The following RAD51B variants were observed in gnomAD, a reference collection of about 807,000 sequenced individuals.
RAD51B encodes RAD51 paralog B, also known as DNA repair protein RAD51 homolog 2.
A neutral mutation model predicts 42.2 loss-of-function variants in RAD51B; 38 were observed. The ratio of observed to expected loss-of-function variants is 0.90; its 90% CI spans 0.70 to 1.18. The LOEUF (loss-of-function observed/expected upper bound fraction) is 1.18, where lower values mean the gene tolerates loss of function less well. RAD51B is among the 50% of genes most tolerant of loss of function. The probability of loss-of-function intolerance (pLI) is 0.00; values close to 1 mark genes in which losing one functional copy is unlikely to be tolerated. For synonymous variants in RAD51B, 154 were observed against 145.2 expected (o/e 1.06, Z -0.43); for missense variants, 373 against 400.7 (o/e 0.93, Z 0.59).
chr14:68,319,148 T>C (rs2082114252), intron 8 of RAD51B, among the ~76,000 whole-genome samples: 1 of 152,146 alleles, frequency 6.6e-6, no homozygotes, highest in African/African-American at 2.4e-5. Context: ...GGAGGAGTTT[T>C]TGTTGTTGTT....
intron 7 of RAD51B, among the ~76,000 whole-genome samples, chr14:68,226,568 A>G (rs2080043286): frequency 6.6e-6 from 1 of 152,204 alleles, no homozygotes; most frequent in Non-Finnish European, 1.5e-5. Flanking sequence ...GAGTTCCCCT[A>G]CATAAGCTCT....
At chr14:67,840,622 A>T (rs1156893992) in intron 4 of RAD51B, among the ~76,000 whole-genome samples, 1 of 152,062 alleles carries the variant, frequency 6.6e-6, no homozygotes, top group Non-Finnish European at 1.5e-5. Flanking sequence ...TGGTAGAGTG[A>T]TTTATTTTCC....
At chr14:67,855,664 C>A (rs1159216919) in intron 4 of RAD51B, among the ~76,000 whole-genome samples, 1 of 152,174 alleles carries the variant, frequency 6.6e-6, no homozygotes, top group Non-Finnish European at 1.5e-5. Context: ...GTACATGAAA[C>A]AGTTAAGTGT....
chr14:68,078,808 A>T lies in RAD51B; in HGVS notation c.756+191604A>T, dbSNP rs575828396. ...GGTTCCAGACCAGCCTGCGCAAAAGAGGGAGCCCCTGTCTCTACAAAAAAA... is the reference window on the plus strand; with the variant it reads ...GGTTCCAGACCAGCCTGCGCAAAAGTGGGAGCCCCTGTCTCTACAAAAAAA... On this transcript the variant is annotated intron_variant, in intron 7 of 10. Transcript: ENST00000471583. Among the ~76,000 whole-genome samples, 4 of 152,216 alleles carry T rather than the reference A, an allele frequency of 2.6e-5. No individual in the cohort carries two copies. The East Asian group carries it at 7.7e-4, about 29-fold the overall frequency.
chr14:67,863,822 A>G (rs1386688474), intron 4 of RAD51B, among the ~76,000 whole-genome samples: 1 of 152,212 alleles, frequency 6.6e-6, no homozygotes, highest in Non-Finnish European at 1.5e-5. Flanking sequence ...TCACATTGCT[A>G]TAAAGAACTA....
intron 7 of RAD51B, among the ~76,000 whole-genome samples, chr14:67,898,198 A>G (rs2043487484): frequency 6.6e-6 from 1 of 152,194 alleles, no homozygotes; most frequent in Non-Finnish European, 1.5e-5. Flanking sequence ...GATGAATGGA[A>G]AAAGAAAATG....
At chr14:68,298,377 G>A (rs1242506836) in intron 8 of RAD51B, among the ~76,000 whole-genome samples, 1 of 152,178 alleles carries the variant, frequency 6.6e-6, no homozygotes, top group East Asian at 1.9e-4. Flanking sequence ...GTGCTTCTTG[G>A]TCAGGAGCTC....
At chr14:67,959,609 C>T (rs932999344) in intron 7 of RAD51B, among the ~76,000 whole-genome samples, 4 of 152,086 alleles carry the variant, frequency 2.6e-5, no homozygotes, top group African/African-American at 9.7e-5. Context: ...TATAAATATG[C>T]TGATCTAAAA....
intron 10 of RAD51B, among the ~76,000 whole-genome samples, chr14:68,506,368 C>T (rs739873): frequency 0.44 from 67,116 of 152,070 alleles, 17,216 homozygotes; most frequent in East Asian, 0.84. Context: ...AGCCACCTCC[C>T]CAACACTCAG....
intron 7 of RAD51B, among the ~76,000 whole-genome samples, chr14:68,112,992 A>G (rs1396922052): frequency 6.6e-6 from 1 of 152,152 alleles, no homozygotes; most frequent in Non-Finnish European, 1.5e-5. Flanking sequence ...CTGAACTTGT[A>G]AGATTTTGAC....
chr14:68,579,354 A>G (rs917988020), intron 10 of RAD51B, among the ~76,000 whole-genome samples: 1 of 152,138 alleles, frequency 6.6e-6, no homozygotes, highest in Non-Finnish European at 1.5e-5. Flanking sequence ...GATTTCTTTT[A>G]TTCCTGGAGC....
At chr14:68,266,949 G>C (rs528796114) in intron 7 of RAD51B, among the ~76,000 whole-genome samples, 1 of 152,094 alleles carries the variant, frequency 6.6e-6, no homozygotes, top group African/African-American at 2.4e-5. Flanking sequence ...TATACATTAC[G>C]CAAAAAGTTA....
intron 1 of RAD51B, 22 bp from the exon 2 acceptor site, chr14:67,823,519 TC>T: frequency 5.0e-6 from 8 of 1,605,534 alleles, no homozygotes; most frequent in Non-Finnish European, 6.8e-6. Context: ...TCATGGTTCT[TC>T]TTTTCTTTGC....
chr14:68,441,426 C>CA (rs1418432415), intron 9 of RAD51B, among the ~76,000 whole-genome samples: 1 of 141,466 alleles, frequency 7.1e-6, no homozygotes, highest in Non-Finnish European at 1.5e-5. Context: ...CCTGTAGTCC[C>CA]AGCTACTCGG....
At chr14:68,279,929 TC>T (rs2081290043) in intron 7 of RAD51B, among the ~76,000 whole-genome samples, 1 of 152,246 alleles carries the variant, frequency 6.6e-6, no homozygotes, top group East Asian at 1.9e-4. Flanking sequence ...ACCTGTGAAC[TC>T]CTATTCCAGA....
At chr14:68,416,718 CTT>C (rs1347906165) in intron 9 of RAD51B, among the ~76,000 whole-genome samples, 1 of 152,120 alleles carries the variant, frequency 6.6e-6, no homozygotes, top group Non-Finnish European at 1.5e-5. Context: ...GATAGGAATA[CTT>C]TTTGCAGAAC....
At chr14:68,541,031 T>A (rs1887935868) in intron 10 of RAD51B, 1 of 985,384 alleles carries the variant, frequency 1.0e-6, no homozygotes, top group Non-Finnish European at 1.2e-6. Flanking sequence ...CCCCTTCAAG[T>A]TCTTGAAAAA....
Position 68,364,974 on chromosome 14 carries a change from C to T in RAD51B, c.854-46450C>T, listed in dbSNP as rs556319663. On this transcript the variant is annotated intron_variant, in intron 8 of 10. Transcript: ENST00000471583. Reference sequence around the variant, plus strand: ...CAGGTGTTAGGGGCAGAGAGACGCCCATGTCTGGGTGCTGGCTTCTGACTG... The same window carrying T: ...CAGGTGTTAGGGGCAGAGAGACGCCTATGTCTGGGTGCTGGCTTCTGACTG... 4.3e-4 allele frequency among the ~76,000 whole-genome samples: 65 copies of T among 152,266 alleles called. 1 individual carries two copies. The highest frequency in any genetic ancestry group is 8.3e-4 in the South Asian group (4 of 4,832).
At chr14:68,012,293 T>C (rs1313668742) in intron 7 of RAD51B, among the ~76,000 whole-genome samples, 1 of 152,096 alleles carries the variant, frequency 6.6e-6, no homozygotes, top group African/African-American at 2.4e-5. Context: ...TTTAAACTTA[T>C]AGTATTAACA....
Sources: allele counts gnomAD v4.1 joint callset (sites outside exome capture counted in the v4.1 genomes callset), GRCh38; gene constraint gnomAD v4.1.1; transcripts MANE v1.5; gene names NCBI Gene and HGNC (gene_info 2026-07-23, HGNC 2026-07-21).